DIXDC1: variants seen among roughly 807,000 people sequenced by gnomAD.
DIXDC1 encodes the protein DIX domain containing 1, also known as dixin.
In DIXDC1, 64 loss-of-function variants were observed where a neutral mutation model predicts 103.1. The ratio of observed to expected loss-of-function variants is 0.62; its 90% confidence interval spans 0.51 to 0.76. DIXDC1 has a LOEUF of 0.76. DIXDC1 is among the 30% of genes least tolerant of loss of function. DIXDC1 has a pLI of 0.00. For synonymous variants in DIXDC1, 266 were observed against 298.5 expected (o/e 0.89, Z 1.12); for missense variants, 759 against 834.2 (o/e 0.91, Z 1.11).
At chr11:111,927,909 A>G (rs1466219151) in intron 1 of DIXDC1, among the ~76,000 whole-genome samples, 1 of 150,170 alleles carries the variant, frequency 6.7e-6, no homozygotes, top group East Asian at 2.0e-4. Context: ...CCAGCTACTC[A>G]GGAGACTGAG....
chr11:111,976,564 T>G lies in DIXDC1; in HGVS notation c.656+1581T>G, dbSNP rs1860102568. On this transcript the variant is annotated intron_variant, in intron 5 of 19. Transcript: ENST00000440460. This position sits in a 1 kb window ranked among gnomAD's most constrained non-coding sequence, Gnocchi z 4.3. ...GTCCCTGGGGAAGGAGAGGGCTTCT[T>G]GTGGCTATCTGGAACCCAGCAGGTT... Among the ~76,000 whole-genome samples, 1 of 152,168 alleles carries G rather than the reference T, an allele frequency of 6.6e-6. No individual in the cohort carries two copies. Among genetic ancestry groups the G allele is most frequent in the Middle Eastern group, 3.2e-3 (1 of 316 alleles).
intron 1 of DIXDC1, among the ~76,000 whole-genome samples, chr11:111,940,200 T>C (rs192652419): frequency 2.0e-5 from 3 of 152,278 alleles, no homozygotes; most frequent in African/African-American, 4.8e-5. Flanking sequence ...TGTATAGCCA[T>C]GCATGACAGA....
In DIXDC1 at chr11:111,977,224, C is replaced by T; in HGVS notation, c.656+2241C>T. ...ACCTCCGTCCAGAGCGGTCGGTTGG[C>T]CAGCGGAGCTGGCTTGGGTCGGAGC... On this transcript the variant is annotated intron_variant, in intron 5 of 19. Coordinates refer to ENST00000440460, the MANE Select transcript of DIXDC1 (RefSeq NM_001037954.4). The surrounding 1 kb of genome is among the most constrained non-coding windows in gnomAD (Gnocchi z 6.1). The T allele has an allele frequency of 1.0e-6, 1 of 989,312 alleles. No individual in the cohort carries two copies. Among genetic ancestry groups the T allele is most frequent in the Non-Finnish European group, 1.2e-6 (1 of 833,818 alleles). 61.3% of individuals were successfully genotyped at this position (989,312 alleles called of 1,614,324 possible). A position where few individuals can be genotyped will look rare whatever the true frequency, so the allele number is the denominator to read the frequency against.
chr11:111,964,758 C>A, intron 2 of DIXDC1, 80 bp downstream of exon 2: 1 of 1,453,170 alleles, frequency 6.9e-7, no homozygotes, highest in Non-Finnish European at 9.1e-7. Context: ...CCCTTTAGAG[C>A]AGGTTATTTT....
chr11:111,940,906 T>C (rs1036028274), intron 1 of DIXDC1, among the ~76,000 whole-genome samples: 8 of 152,128 alleles, frequency 5.3e-5, no homozygotes, highest in African/African-American at 9.7e-5. Flanking sequence ...TGGAAATACA[T>C]AGAAGTCCAA....
At chr11:111,937,133 G>GGGT (rs5794770), upstream of DIXDC1, 1 of 684,904 alleles carries the variant, frequency 1.5e-6, no homozygotes, top group Non-Finnish European at 1.8e-6. Flanking sequence ...GGCCCGGGCG[G>GGGT]GGGGGGGGTG....
At position 112,017,942 on chromosome 11, in the gene DIXDC1, C is replaced by T; in HGVS notation, c.1971+57C>T. 1 of 1,402,714 alleles carries T rather than the reference C, an allele frequency of 7.1e-7. No individual in the cohort carries two copies. Among genetic ancestry groups the T allele is most frequent in the South Asian group, 1.3e-5 (1 of 79,890 alleles). 86.9% of individuals were successfully genotyped at this position (1,402,714 alleles called of 1,614,324 possible). ...TATTGGTCCTTTCTGAACCCTGAAG[C>T]CTCCTGTTCAAGCACTAGTGTCCAG... On this transcript the variant is annotated intron_variant, in intron 19 of 19. Transcript: ENST00000440460. This position sits in a 1 kb window ranked among gnomAD's most constrained non-coding sequence, Gnocchi z 4.0.
rs377157480 is a variant in DIXDC1 at position 111,964,669 on chromosome 11, G to A, written c.181G>A (p.Glu61Lys). 46 of 1,605,778 alleles carry A rather than the reference G, an allele frequency of 2.9e-5. No individual in the cohort carries two copies. The highest frequency in any genetic ancestry group is 3.7e-5 in the Non-Finnish European group (44 of 1,176,466). ...RDGVILAYLIEIVAGEKLSGV... is the reference protein window; with the variant it reads ...RDGVILAYLIKIVAGEKLSGV... ...TGGGGTGATCCTGGCATATCTCATCGAGATTGTTGGTCAGTTGGCCCTGGA... is the reference window on the plus strand; with the variant it reads ...TGGGGTGATCCTGGCATATCTCATCAAGATTGTTGGTCAGTTGGCCCTGGA... The change falls in exon 2 of 20, where the codon GAG becomes AAG. Residue 61 changes from glutamate (E) to lysine (K), a missense_variant. Around this residue, in one of 3 missense-constraint regions of DIXDC1, gnomAD observed 97 missense variants for 85.4 expected, o/e 1.14. Coordinates refer to ENST00000440460, the MANE Select transcript of DIXDC1 (RefSeq NM_001037954.4).
At chr11:111,991,612 A>G (rs117372660) in intron 10 of DIXDC1, among the ~76,000 whole-genome samples, 30 of 152,364 alleles carry the variant, frequency 2.0e-4, no homozygotes, top group East Asian at 1.5e-3. Flanking sequence ...TTGATGGAAT[A>G]TGTCATAACT....
intron 1 of DIXDC1, among the ~76,000 whole-genome samples, chr11:111,955,833 CAAAAAAAAAAAAA>C (rs781822030): frequency 1.1e-4 from 2 of 17,660 alleles, no homozygotes; most frequent in Non-Finnish European, 2.9e-4. Context: ...GACTCTAGCT[CAAAAAAAAAAAAA>C]AAAAAAAAAA....
At chr11:112,011,095 C>T (rs1217973909) in intron 17 of DIXDC1, among the ~76,000 whole-genome samples, 1 of 152,106 alleles carries the variant, frequency 6.6e-6, no homozygotes, top group African/African-American at 2.4e-5. Context: ...AGAACTTAAA[C>T]AAATTTACAA....
At chr11:111,978,446 C>T (rs913640031) in intron 5 of DIXDC1, among the ~76,000 whole-genome samples, 8 of 152,084 alleles carry the variant, frequency 5.3e-5, no homozygotes, top group South Asian at 2.1e-4. Context: ...TATCTCTCCA[C>T]TTGGCCATCG....
upstream of DIXDC1, among the ~76,000 whole-genome samples, chr11:111,933,430 C>T (rs1017352116): frequency 2.0e-5 from 3 of 151,894 alleles, no homozygotes; most frequent in Admixed American, 6.6e-5. Flanking sequence ...CCACCGCTCC[C>T]GGACCTTTTC....
At chr11:112,000,600 G>A (rs1861036515) in intron 17 of DIXDC1, among the ~76,000 whole-genome samples, 1 of 151,952 alleles carries the variant, frequency 6.6e-6, no homozygotes, top group Non-Finnish European at 1.5e-5. Context: ...GGGGGGCTGA[G>A]GCAGAAGAAT....
At chr11:111,931,509 G>GTAAAAAATTA (rs1469367030) in intron 2 of DIXDC1, among the ~76,000 whole-genome samples, 3 of 152,092 alleles carry the variant, frequency 2.0e-5, no homozygotes, top group Non-Finnish European at 4.4e-5. Flanking sequence ...TGGACGTGGT[G>GTAAAAAATTA]GCGGACGCCT....
chr11:111,943,627 G>A (rs937815535), intron 1 of DIXDC1, among the ~76,000 whole-genome samples: 1 of 151,682 alleles, frequency 6.6e-6, no homozygotes, highest in Non-Finnish European at 1.5e-5. Flanking sequence ...AGCCTCCCGA[G>A]TAGCTGGGAC....
At chr11:111,933,426 C>T (rs111806474), upstream of DIXDC1, among the ~76,000 whole-genome samples, 3,772 of 152,172 alleles carry the variant, frequency 0.025, 164 homozygotes, top group African/African-American at 0.086. Flanking sequence ...TGAGCCACCG[C>T]TCCCGGACCT....
In DIXDC1 at chr11:112,020,595, A is replaced by G. The variant is rs782284643; in HGVS notation, c.*1559A>G. Reference sequence around the variant, plus strand: ...ACTGTATCCATTTTCTAGAGAACCCAGTAGCTTTTATACAGTCTCTTCTTA... The same window carrying G: ...ACTGTATCCATTTTCTAGAGAACCCGGTAGCTTTTATACAGTCTCTTCTTA... On this transcript the variant is annotated 3_prime_UTR_variant, in exon 20 of 20. Transcript: ENST00000440460. The G allele has an allele frequency of 3.3e-5, 5 of 152,238 alleles. No homozygotes were observed. The highest frequency in any genetic ancestry group is 5.9e-5 in the Non-Finnish European group (4 of 68,038). 9.4% of individuals were successfully genotyped at this position (152,238 alleles called of 1,614,324 possible). A position where few individuals can be genotyped will look rare whatever the true frequency, so the allele number is the denominator to read the frequency against.
At chr11:111,984,296 A>T (rs1555173597) in intron 7 of DIXDC1, among the ~76,000 whole-genome samples, 1 of 151,808 alleles carries the variant, frequency 6.6e-6, no homozygotes, top group African/African-American at 2.4e-5. Flanking sequence ...CTGTAACCCC[A>T]GCACTTTGGG....
Sources: gnomAD v4.1 joint callset for allele counts (sites outside exome capture counted in the v4.1 genomes callset) on GRCh38, gnomAD v4.1.1 for gene constraint, gnomAD v4.1.1 regional missense constraint, Gnocchi (gnomAD v3.1) non-coding constraint, MANE v1.5 for transcripts, NCBI Gene and HGNC (gene_info 2026-07-23, HGNC 2026-07-21) for gene names.